FMN1: variants seen among roughly 807,000 people sequenced by gnomAD.
FMN1 encodes formin 1.
In FMN1, 110 loss-of-function variants were observed where a neutral mutation model predicts 132.4. That is an observed-to-expected ratio of 0.83 (90% CI 0.71 to 0.97). The LOEUF is 0.97. FMN1 is among the 50% of genes least tolerant of loss of function. The pLI is 0.00. For missense variants in FMN1, 1,792 were observed against 1,705.3 expected (o/e 1.05, Z -0.90); for synonymous variants, 722 against 651.7 (o/e 1.11, Z -1.64).
intron 17 of FMN1, among the ~76,000 whole-genome samples, chr15:32,823,436 T>C (rs2058285895): frequency 6.6e-6 from 1 of 152,138 alleles, no homozygotes; most frequent in Non-Finnish European, 1.5e-5. Flanking sequence ...AGTGCTGGGA[T>C]TACAGGTGTG....
At chr15:32,848,791 G>A (rs1440835074) in intron 17 of FMN1, among the ~76,000 whole-genome samples, 1 of 152,136 alleles carries the variant, frequency 6.6e-6, no homozygotes, top group African/African-American at 2.4e-5. Context: ...TAACAAATCT[G>A]CATACGCCTA....
At chr15:32,959,579 AG>A (rs1471004117) in intron 9 of FMN1, among the ~76,000 whole-genome samples, 1 of 152,208 alleles carries the variant, frequency 6.6e-6, no homozygotes, top group African/African-American at 2.4e-5. Context: ...GCACTACACA[AG>A]TGCACGGATT....
intron 6 of FMN1, among the ~76,000 whole-genome samples, chr15:33,018,410 G>A (rs1164870010): frequency 6.6e-6 from 1 of 152,104 alleles, no homozygotes; most frequent in Non-Finnish European, 1.5e-5. Flanking sequence ...TATGGGGAGG[G>A]CAGAGGAGCT....
intron 7 of FMN1, among the ~76,000 whole-genome samples, chr15:32,986,159 A>T (rs1192536064): frequency 6.6e-6 from 1 of 152,124 alleles, no homozygotes; most frequent in Non-Finnish European, 1.5e-5. Flanking sequence ...TACCAAAAAT[A>T]TCCAGTTATG....
At chr15:32,954,702 T>A (rs1246401033) in intron 9 of FMN1, among the ~76,000 whole-genome samples, 1 of 152,198 alleles carries the variant, frequency 6.6e-6, no homozygotes, top group East Asian at 1.9e-4. Context: ...AATGCCCATT[T>A]ATCAAGTAAT....
At chr15:32,908,025 C>T (rs776391089) in intron 12 of FMN1, 46 of 159,388 alleles carry the variant, frequency 2.9e-4, no homozygotes, top group Non-Finnish European at 5.0e-4. Context: ...GAAAAAGCCA[C>T]ATTTGGGCAG....
intron 5 of FMN1, among the ~76,000 whole-genome samples, chr15:33,075,134 CT>C (rs2038157531): frequency 6.6e-6 from 1 of 151,342 alleles, no homozygotes; most frequent in African/African-American, 2.4e-5. Flanking sequence ...GCTCCCTGTG[CT>C]GCAGCTCCCT....
chr15:32,835,096 T>C (rs1238288758), intron 17 of FMN1, among the ~76,000 whole-genome samples: 1 of 152,202 alleles, frequency 6.6e-6, no homozygotes, highest in Non-Finnish European at 1.5e-5. Flanking sequence ...CCAGTCCCTT[T>C]CTACCTAAAA....
intron 4 of FMN1, among the ~76,000 whole-genome samples, chr15:33,092,119 G>GTA (rs1210100065): frequency 2.6e-5 from 4 of 152,156 alleles, no homozygotes; most frequent in African/African-American, 9.7e-5. Context: ...CACAGTAAAG[G>GTA]TAGGGTGACT....
intron 7 of FMN1, among the ~76,000 whole-genome samples, chr15:32,982,212 G>A (rs1317195498): frequency 6.6e-6 from 1 of 152,128 alleles, no homozygotes; most frequent in Non-Finnish European, 1.5e-5. Flanking sequence ...ACGCCTATTA[G>A]GAGGAGGGAG....
chr15:32,970,847 T>C (rs1251629814), intron 7 of FMN1: 1 of 152,160 alleles, frequency 6.6e-6, no homozygotes, highest in East Asian at 1.9e-4. Flanking sequence ...TTTTCTCTAA[T>C]ATTCATTCTC....
At chr15:33,109,924 T>TGC (rs1301840542) in intron 4 of FMN1, among the ~76,000 whole-genome samples, 2 of 151,756 alleles carry the variant, frequency 1.3e-5, no homozygotes, top group Non-Finnish European at 2.9e-5. Flanking sequence ...AGTAAGACAG[T>TGC]GCCCATGGAT....
In FMN1 at chr15:32,777,230, T is replaced by C. The variant is rs200096261; in HGVS notation, c.4131-311A>G. Among the ~76,000 whole-genome samples the C allele has an allele frequency of 5.5e-3, 833 of 152,162 alleles. 4 individuals are homozygous for C. The highest frequency in any genetic ancestry group is 7.7e-3 in the Non-Finnish European group (524 of 67,972). ...CACAGAGCATTATTTACTTCAGTGT[T>C]ATCCGGCTTGTGATCCACTTAGCAG... is the stretch of plus-strand genomic sequence containing the variant. On this transcript the variant is annotated intron_variant, in intron 19 of 20. Transcript: ENST00000616417.
rs1410580318 is a variant in FMN1 at position 33,134,114 on chromosome 15, A to AT, written c.1867+18933dup. On this transcript the variant is annotated intron_variant, in intron 4 of 20. Transcript: ENST00000616417. ...CAGGCACACAACACATGCCCAGCTA[A>AT]TTTTTTGTATTTTCTGTAGAGATAG... is the stretch of plus-strand genomic sequence containing the variant. Among the ~76,000 whole-genome samples the AT allele has an allele frequency of 2.6e-5, 4 of 151,910 alleles. No individual in the cohort carries two copies. In the East Asian group the frequency reaches 7.7e-4, roughly 29 times the overall value.
chr15:33,077,604 A>AAC (rs1461023152), intron 5 of FMN1, among the ~76,000 whole-genome samples: 2 of 151,770 alleles, frequency 1.3e-5, no homozygotes, highest in African/African-American at 4.8e-5. Flanking sequence ...CATGAGTGGG[A>AAC]ACATGCAGTG....
chr15:33,092,971 A>G (rs1307433321), intron 4 of FMN1, among the ~76,000 whole-genome samples: 1 of 152,258 alleles, frequency 6.6e-6, no homozygotes, highest in Non-Finnish European at 1.5e-5. Context: ...TTTATTAAAA[A>G]GTTATTTACC....
At chr15:32,850,205 T>C (rs1359443810) in intron 17 of FMN1, among the ~76,000 whole-genome samples, 1 of 152,244 alleles carries the variant, frequency 6.6e-6, no homozygotes. Flanking sequence ...CAGGTTACAT[T>C]GTTCAGATTA....
chr15:32,824,578 A>T (rs1179929526), intron 17 of FMN1, among the ~76,000 whole-genome samples: 1 of 152,054 alleles, frequency 6.6e-6, no homozygotes, highest in Non-Finnish European at 1.5e-5. Flanking sequence ...TCAGGCTCCA[A>T]GGCCCGCTCT....
intron 9 of FMN1, among the ~76,000 whole-genome samples, chr15:32,926,601 T>C (rs1743098088): frequency 6.6e-6 from 1 of 152,216 alleles, no homozygotes; most frequent in South Asian, 2.1e-4. Flanking sequence ...CACTTATCAC[T>C]GGAATATTTT....
Sources: gnomAD v4.1 joint callset for allele counts (sites outside exome capture counted in the v4.1 genomes callset) on GRCh38, gnomAD v4.1.1 for gene constraint, MANE v1.5 for transcripts, NCBI Gene and HGNC (gene_info 2026-07-23, HGNC 2026-07-21) for gene names.